Variants in CADM1 observed in about 807,000 individuals in gnomAD.
CADM1 encodes cell adhesion molecule 1.
A neutral mutation model predicts 53.1 loss-of-function variants in CADM1; 15 were observed. The ratio of observed to expected loss-of-function variants is 0.28; its 90% CI spans 0.19 to 0.44. The LOEUF (loss-of-function observed/expected upper bound fraction) is 0.44, where lower values mean the gene tolerates loss of function less well. Ranked by LOEUF, CADM1 falls within the 20% of genes least tolerant of loss-of-function variation. CADM1 has a pLI of 1.00. For synonymous variants in CADM1, 281 were observed against 243.0 expected (o/e 1.16, Z -1.45); for missense variants, 434 against 611.3 (o/e 0.71, Z 3.06).
At chr11:115,491,395 C>T (rs1949493751) in intron 1 of CADM1, among the ~76,000 whole-genome samples, 1 of 152,000 alleles carries the variant, frequency 6.6e-6, no homozygotes. Context: ...GAAACCCCAT[C>T]TCTACTAAAA....
chr11:115,486,576 C>T (rs927874528), intron 1 of CADM1, among the ~76,000 whole-genome samples: 2 of 152,076 alleles, frequency 1.3e-5, no homozygotes, highest in Admixed American at 1.3e-4. Flanking sequence ...AGCTCCTGGG[C>T]TCAAGCAATC....
At chr11:115,185,204 A>G (rs1236545454) in intron 10 of CADM1, among the ~76,000 whole-genome samples, 1 of 152,184 alleles carries the variant, frequency 6.6e-6, no homozygotes, top group Non-Finnish European at 1.5e-5. Flanking sequence ...CCTGTATTAG[A>G]GCCTAAGGAG....
At chr11:115,295,519 TATATATA>T (rs1308676782) in intron 1 of CADM1, among the ~76,000 whole-genome samples, 10 of 69,532 alleles carry the variant, frequency 1.4e-4, no homozygotes, top group African/African-American at 1.0e-3. Context: ...TATATATATA[TATATATA>T]TATATATATA....
intron 1 of CADM1, among the ~76,000 whole-genome samples, chr11:115,457,840 G>T (rs935543786): frequency 1.3e-5 from 2 of 152,038 alleles, no homozygotes; most frequent in African/African-American, 2.4e-5. Context: ...AACGGCTAAT[G>T]AATAAGTGCA....
chr11:115,169,560 T>C lies in CADM1; in HGVS notation c.*6914A>G. On this transcript the variant is annotated 3_prime_UTR_variant, in exon 12 of 12. Transcript: ENST00000331581. Reference sequence around the variant, plus strand: ...TGTCCAAACGATAAAAGATTCATGTTCCTAATTGCAACACTATAGCTGCCC... The same window carrying C: ...TGTCCAAACGATAAAAGATTCATGTCCCTAATTGCAACACTATAGCTGCCC... 1 of 456,124 alleles carries C rather than the reference T, an allele frequency of 2.2e-6. No homozygotes were observed. Among genetic ancestry groups the C allele is most frequent in the Non-Finnish European group, 4.4e-6 (1 of 226,816 alleles). 28.3% of individuals were successfully genotyped at this position (456,124 alleles called of 1,614,324 possible). A position where few individuals can be genotyped will look rare whatever the true frequency, so the allele number is the denominator to read the frequency against.
chr11:115,318,714 G>C (rs917138781), intron 1 of CADM1, among the ~76,000 whole-genome samples: 4 of 152,108 alleles, frequency 2.6e-5, no homozygotes, highest in Non-Finnish European at 5.9e-5. Flanking sequence ...AGAAATCCAT[G>C]AAGAATTTTG....
At chr11:115,375,125 T>TG (rs532134827) in intron 1 of CADM1, among the ~76,000 whole-genome samples, 53 of 152,154 alleles carry the variant, frequency 3.5e-4, no homozygotes, top group South Asian at 3.3e-3. Context: ...GATCCATGGT[T>TG]GGGGGAGTGG....
At chr11:115,224,632 T>C (rs757023852) in intron 5 of CADM1, among the ~76,000 whole-genome samples, 1 of 152,166 alleles carries the variant, frequency 6.6e-6, no homozygotes, top group Non-Finnish European at 1.5e-5. Context: ...AAGAGCTTCA[T>C]ATTCACCCCA....
chr11:115,380,233 G>C (rs1946541674), intron 1 of CADM1, among the ~76,000 whole-genome samples: 1 of 122,464 alleles, frequency 8.2e-6, no homozygotes, highest in Non-Finnish European at 1.8e-5. Flanking sequence ...GGGGAAGAAA[G>C]AATTATAAAA....
chr11:115,189,749 GGTACTTA>G (rs1389578425), intron 10 of CADM1, among the ~76,000 whole-genome samples: 2 of 152,102 alleles, frequency 1.3e-5, no homozygotes, highest in Non-Finnish European at 2.9e-5. Flanking sequence ...GTGTCAACTG[GGTACTTA>G]GTACATGACA....
intron 1 of CADM1, among the ~76,000 whole-genome samples, chr11:115,390,309 T>C (rs766640593): frequency 2.0e-5 from 3 of 151,440 alleles, no homozygotes; most frequent in Non-Finnish European, 2.9e-5. Context: ...CAAGTCGAAC[T>C]GGACAAGCCC....
chr11:115,309,800 C>A (rs118008939), intron 1 of CADM1, among the ~76,000 whole-genome samples: 5 of 152,186 alleles, frequency 3.3e-5, no homozygotes, highest in Non-Finnish European at 7.4e-5. Flanking sequence ...ACAACAATAT[C>A]TATCTCAAAT....
At chr11:115,502,323 C>A (rs1312290056) in intron 1 of CADM1, among the ~76,000 whole-genome samples, 1 of 146,312 alleles carries the variant, frequency 6.8e-6, no homozygotes, top group Non-Finnish European at 1.5e-5. Flanking sequence ...CCACCGCCCC[C>A]CGGCTTTTTT....
At chr11:115,366,254 C>A (rs777586899) in intron 1 of CADM1, among the ~76,000 whole-genome samples, 5 of 152,188 alleles carry the variant, frequency 3.3e-5, no homozygotes, top group Admixed American at 6.5e-5. Context: ...ACTTGCTAAG[C>A]AAATTGCCTG....
At chr11:115,487,110 T>C (rs1481951427) in intron 1 of CADM1, among the ~76,000 whole-genome samples, 2 of 152,346 alleles carry the variant, frequency 1.3e-5, no homozygotes, top group Non-Finnish European at 2.9e-5. Flanking sequence ...GCTCCAGCCT[T>C]GTTGTTTGGA....
chr11:115,224,611 A>G (rs1941533419), intron 5 of CADM1, among the ~76,000 whole-genome samples: 1 of 152,182 alleles, frequency 6.6e-6, no homozygotes, highest in Non-Finnish European at 1.5e-5. Flanking sequence ...GAAGCCACAC[A>G]GCAGTAATTC....
chr11:115,446,194 C>T (rs1948447414), intron 1 of CADM1, among the ~76,000 whole-genome samples: 1 of 151,306 alleles, frequency 6.6e-6, no homozygotes, highest in African/African-American at 2.4e-5. Flanking sequence ...ATATTATTAT[C>T]ATTTTCCTTA....
Position 115,217,974 on chromosome 11 carries a change from T to C in CADM1, c.739A>G (p.Ile247Val). The C allele has an allele frequency of 1.2e-6, 2 of 1,612,912 alleles. No individual in the cohort carries two copies. The highest frequency in any genetic ancestry group is 2.2e-5 in the East Asian group (1 of 44,844). ...CCTTGTAGAGGATAAGTCATCTGAA[T>C]GTGCACTTGAGGCTTATCTGTGTGA... The part of the protein sequence containing the change: ...LEVQYKPQVH[I>V]QMTYPLQGLT... The change falls in exon 6 of 12, where the codon ATT becomes GTT. Residue 247 changes from isoleucine to valine, a missense_variant. Transcript: ENST00000331581.
At chr11:115,181,346 T>C (rs933822917) in intron 10 of CADM1, among the ~76,000 whole-genome samples, 2 of 152,224 alleles carry the variant, frequency 1.3e-5, no homozygotes, top group African/African-American at 4.8e-5. Context: ...GTGTTGCTAT[T>C]TTTCCCTGCA....
Sources: gnomAD v4.1 joint callset for allele counts (sites outside exome capture counted in the v4.1 genomes callset) on GRCh38, gnomAD v4.1.1 for gene constraint, MANE v1.5 for transcripts, NCBI Gene and HGNC (gene_info 2026-07-23, HGNC 2026-07-21) for gene names.